Variants in EDA observed in about 807,000 individuals in gnomAD.
The protein encoded by EDA is ectodysplasin A.
EDA carries 2 observed loss-of-function variants against 23.6 expected under a neutral mutation model. The observed-to-expected ratio is 0.08, with a 90% CI of 0.03 to 0.27. The LOEUF (loss-of-function observed/expected upper bound fraction) is 0.27. EDA is among the 10% of genes least tolerant of loss of function. The pLI, the probability that EDA is intolerant of heterozygous loss-of-function variation, is 1.00. For synonymous variants in EDA, 131 were observed against 132.0 expected (o/e 0.99, Z 0.05); for missense variants, 229 against 324.2 (o/e 0.71, Z 2.26).
intron 2 of EDA, among the ~76,000 whole-genome samples, chrX:69,987,299 AATTT>A (rs2019511666): frequency 1.4e-4 from 13 of 93,287 alleles, no homozygotes; most frequent in African/African-American, 5.0e-4. Context: ...TAAAAAAAAA[AATTT>A]TTTTTTTTAA....
At chrX:69,820,246 A>G (rs777633703) in intron 1 of EDA, among the ~76,000 whole-genome samples, 38 of 112,400 alleles carry the variant, frequency 3.4e-4, no homozygotes, top group African/African-American at 1.2e-3. Context: ...AATTAACTCA[A>G]GATGAATTAA....
At chrX:69,969,781 G>A (rs12006656) in intron 2 of EDA, among the ~76,000 whole-genome samples, 1,279 of 111,157 alleles carry the variant, frequency 0.012, 13 homozygotes, top group African/African-American at 0.039. Context: ...AAAGCTTCTA[G>A]TACATGGGTG....
At chrX:69,723,526 A>T (rs968321748) in intron 1 of EDA, among the ~76,000 whole-genome samples, 2 of 112,098 alleles carry the variant, frequency 1.8e-5, no homozygotes, top group Admixed American at 1.9e-4. Context: ...TCAGGTCTTT[A>T]TCACTAACAA....
At chrX:69,797,912 A>G (rs1192773477) in intron 1 of EDA, among the ~76,000 whole-genome samples, 2 of 112,117 alleles carry the variant, frequency 1.8e-5, no homozygotes, top group Non-Finnish European at 3.8e-5. Context: ...ACTATATGCT[A>G]TGTACAAGAA....
intron 1 of EDA, among the ~76,000 whole-genome samples, chrX:69,731,808 G>T (rs778815648): frequency 6.4e-4 from 72 of 111,647 alleles, no homozygotes; most frequent in Non-Finnish European, 1.2e-3. Flanking sequence ...GAATAGCGGT[G>T]GTGAGAGTCA....
chrX:69,701,883 G>A (rs999718001), intron 1 of EDA, among the ~76,000 whole-genome samples: 1 of 111,359 alleles, frequency 9.0e-6, no homozygotes, highest in African/African-American at 3.3e-5. Context: ...GGGGGTCCTG[G>A]TTGGGGACTA....
At chrX:69,946,065 T>C (rs1303264903) in intron 1 of EDA, among the ~76,000 whole-genome samples, 1 of 111,880 alleles carries the variant, frequency 8.9e-6, no homozygotes, top group Non-Finnish European at 1.9e-5. Flanking sequence ...TGGTCTCGTG[T>C]TTTTCTTGCC....
At chrX:69,801,335 C>CT (rs1163767734) in intron 1 of EDA, among the ~76,000 whole-genome samples, 62 of 103,446 alleles carry the variant, frequency 6.0e-4, no homozygotes, top group Middle Eastern at 4.9e-3. Context: ...CACATGCCAT[C>CT]TTTTTTTTTT....
chrX:69,970,967 A>G (rs1456497767), intron 2 of EDA, among the ~76,000 whole-genome samples: 2 of 112,072 alleles, frequency 1.8e-5, no homozygotes, highest in African/African-American at 6.5e-5. Flanking sequence ...AGATTATATA[A>G]TGTATTCTAA....
At chrX:69,786,132 T>G (rs978926892) in intron 1 of EDA, among the ~76,000 whole-genome samples, 3 of 110,424 alleles carry the variant, frequency 2.7e-5, no homozygotes, top group Non-Finnish European at 5.7e-5. Context: ...GTGGGATCAG[T>G]GGTGATATCC....
At chrX:69,618,351 T>C (rs759491776) in intron 1 of EDA, among the ~76,000 whole-genome samples, 1 of 112,262 alleles carries the variant, frequency 8.9e-6, no homozygotes, top group East Asian at 2.8e-4. Context: ...CTACCCTTTG[T>C]GTGGCACTAA....
intron 1 of EDA, among the ~76,000 whole-genome samples, chrX:69,867,002 T>A (rs890935085): frequency 8.9e-6 from 1 of 112,179 alleles, no homozygotes; most frequent in South Asian, 3.8e-4. Context: ...AGGACAAACC[T>A]CTGCCCTTTC....
intron 1 of EDA, among the ~76,000 whole-genome samples, chrX:69,776,229 C>T (rs150155966): frequency 0.016 from 1,745 of 111,880 alleles, 31 homozygotes; most frequent in African/African-American, 0.055. Flanking sequence ...GCATTAGGCA[C>T]ATATGCCATA....
At chrX:69,758,836 C>T (rs1569321374) in intron 1 of EDA, among the ~76,000 whole-genome samples, 1 of 111,932 alleles carries the variant, frequency 8.9e-6, no homozygotes, top group African/African-American at 3.2e-5. Flanking sequence ...AACTCTGTCT[C>T]AGAAAATAAA....
chrX:70,006,296 C>T, intron 2 of EDA, among the ~76,000 whole-genome samples: 1 of 112,181 alleles, frequency 8.9e-6, no homozygotes, highest in East Asian at 2.8e-4. Context: ...TAAGAAACTG[C>T]CAACCTGACT....
At chrX:70,032,828 T>C (rs2020218383) in intron 6 of EDA, among the ~76,000 whole-genome samples, 1 of 112,029 alleles carries the variant, frequency 8.9e-6, no homozygotes, top group African/African-American at 3.2e-5. Context: ...CTGAATCATC[T>C]CTAATCCCTA....
chrX:69,938,493 A>G (rs1340336050), intron 1 of EDA, among the ~76,000 whole-genome samples: 1 of 111,838 alleles, frequency 8.9e-6, no homozygotes, highest in Non-Finnish European at 1.9e-5. Context: ...TGAGCTCCTT[A>G]TATATTCTGG....
At chrX:69,837,948 T>A (rs2016814799) in intron 1 of EDA, among the ~76,000 whole-genome samples, 1 of 112,446 alleles carries the variant, frequency 8.9e-6, no homozygotes, top group Non-Finnish European at 1.9e-5. Context: ...TTGACAATGG[T>A]GATACATTTC....
intron 1 of EDA, among the ~76,000 whole-genome samples, chrX:69,853,782 C>T (rs1348659943): frequency 3.6e-5 from 4 of 112,234 alleles, no homozygotes; most frequent in Non-Finnish European, 3.8e-5. Context: ...CTGTAAAAAG[C>T]GCAATAATAA....
Sources: gnomAD v4.1 joint callset for allele counts (sites outside exome capture counted in the v4.1 genomes callset) on GRCh38, gnomAD v4.1.1 for gene constraint, MANE v1.5 for transcripts, NCBI Gene and HGNC (gene_info 2026-07-23, HGNC 2026-07-21) for gene names.